CNOT4: variants seen among roughly 807,000 people sequenced by gnomAD.
The protein encoded by CNOT4 is CCR4-NOT transcription complex subunit 4, also known as CCR4-associated factor 4.
A neutral mutation model predicts 73.8 loss-of-function variants in CNOT4; 8 were observed. The observed-to-expected ratio is 0.11, with a 90% CI of 0.06 to 0.20. The LOEUF (loss-of-function observed/expected upper bound fraction) is 0.20, where lower values mean the gene tolerates loss of function less well. Ranked by LOEUF, CNOT4 falls within the 10% of genes least tolerant of loss-of-function variation. The pLI, the probability that CNOT4 is intolerant of heterozygous loss-of-function variation, is 1.00. For synonymous variants in CNOT4, 293 were observed against 321.1 expected (o/e 0.91, Z 0.94); for missense variants, 564 against 883.4 (o/e 0.64, Z 4.58).
At chr7:135,456,792 CCA>C (rs1335632889) in intron 1 of CNOT4, among the ~76,000 whole-genome samples, 1 of 151,958 alleles carries the variant, frequency 6.6e-6, no homozygotes, top group Non-Finnish European at 1.5e-5. Flanking sequence ...GTAGTTGAAT[CCA>C]CAGATACAGA....
intron 7 of CNOT4, among the ~76,000 whole-genome samples, chr7:135,403,674 A>C (rs1797120825): frequency 6.6e-6 from 1 of 152,196 alleles, no homozygotes; most frequent in South Asian, 2.1e-4. Context: ...TAGTTGTGTA[A>C]ATATGATTTT....
intron 6 of CNOT4, among the ~76,000 whole-genome samples, chr7:135,412,930 C>A (rs1418916166): frequency 6.6e-6 from 1 of 151,956 alleles, no homozygotes; most frequent in Non-Finnish European, 1.5e-5. Context: ...TAAAAAAGAA[C>A]ATAGGATATT....
intron 1 of CNOT4, among the ~76,000 whole-genome samples, chr7:135,485,142 G>A (rs563531367): frequency 3.2e-4 from 49 of 152,260 alleles, no homozygotes; most frequent in South Asian, 2.7e-3. Context: ...GCACGATCTT[G>A]GCTCACTGCA....
At chr7:135,452,848 A>T (rs1800261804) in intron 1 of CNOT4, among the ~76,000 whole-genome samples, 1 of 152,212 alleles carries the variant, frequency 6.6e-6, no homozygotes, top group South Asian at 2.1e-4. Flanking sequence ...GGAGTTTATA[A>T]AATTAAAGGC....
chr7:135,493,034 T>C (rs946232163), intron 1 of CNOT4, among the ~76,000 whole-genome samples: 3 of 152,174 alleles, frequency 2.0e-5, no homozygotes, highest in Non-Finnish European at 2.9e-5. Flanking sequence ...TTACAGACAA[T>C]ATAACCTGTT....
chr7:135,414,656 T>G (rs1056389818), intron 4 of CNOT4, among the ~76,000 whole-genome samples: 1 of 152,084 alleles, frequency 6.6e-6, no homozygotes, highest in African/African-American at 2.4e-5. Context: ...GTAATATATG[T>G]GAATAAAATA....
chr7:135,366,631 G>A (rs1016279018), intron 10 of CNOT4, among the ~76,000 whole-genome samples: 2 of 152,164 alleles, frequency 1.3e-5, no homozygotes, highest in Non-Finnish European at 2.9e-5. Context: ...AAAAAATCAT[G>A]TGCCTTGACA....
At chr7:135,417,833 T>C (rs571544826) in intron 3 of CNOT4, among the ~76,000 whole-genome samples, 6 of 152,318 alleles carry the variant, frequency 3.9e-5, no homozygotes, top group Non-Finnish European at 8.8e-5. Context: ...GATTGAGGTC[T>C]TTCTCATCCA....
intron 1 of CNOT4, among the ~76,000 whole-genome samples, chr7:135,506,783 G>A (rs1804398121): frequency 6.6e-6 from 1 of 152,024 alleles, no homozygotes; most frequent in Admixed American, 6.6e-5. Flanking sequence ...GGGAGGCAGA[G>A]GTTGCAGTGA....
chr7:135,504,283 T>C (rs1352123988), intron 1 of CNOT4, among the ~76,000 whole-genome samples: 1 of 151,638 alleles, frequency 6.6e-6, no homozygotes, highest in Non-Finnish European at 1.5e-5. Context: ...AGCAGTAATA[T>C]AAGATCTACT....
At chr7:135,488,682 A>G (rs1802902706) in intron 1 of CNOT4, among the ~76,000 whole-genome samples, 1 of 152,180 alleles carries the variant, frequency 6.6e-6, no homozygotes, top group Non-Finnish European at 1.5e-5. Context: ...TAACTTTTTC[A>G]ATGCACTTTT....
rs1446527613 is a variant in CNOT4, at chr7:135,362,844, T to C, written c.*41A>G. 1 of 1,552,200 alleles carries C rather than the reference T, an allele frequency of 6.4e-7. No homozygotes were observed. The highest frequency in any genetic ancestry group is 8.9e-7 in the Non-Finnish European group (1 of 1,123,866). Reference sequence around the variant, plus strand: ...GTGGGCTGAGAGGGAGAAAACAGAGTGGGACAAATCCTGCATTTTCTAATG... The same window carrying C: ...GTGGGCTGAGAGGGAGAAAACAGAGCGGGACAAATCCTGCATTTTCTAATG... On this transcript the variant is annotated 3_prime_UTR_variant, in exon 12 of 12. Coordinates refer to ENST00000541284, the MANE Select transcript of CNOT4 (RefSeq NM_001190850.2).
intron 3 of CNOT4, among the ~76,000 whole-genome samples, chr7:135,420,677 C>A (rs1475045965): frequency 6.6e-6 from 1 of 150,526 alleles, no homozygotes; most frequent in African/African-American, 2.5e-5. Flanking sequence ...TATAGAAGTG[C>A]CCTGTGGTTA....
chr7:135,388,508 A>T (rs1796237016), intron 10 of CNOT4: 1 of 1,022,010 alleles, frequency 9.8e-7, no homozygotes, highest in Non-Finnish European at 1.2e-6. Context: ...AATTCTAGCT[A>T]ATCTCACCTG....
chr7:135,395,454 T>C (rs1263065645), intron 9 of CNOT4, among the ~76,000 whole-genome samples, 180 bp downstream of exon 9: 1 of 152,188 alleles, frequency 6.6e-6, no homozygotes, highest in Non-Finnish European at 1.5e-5. Context: ...CACAGTAATT[T>C]CTAGGTCACA....
intron 10 of CNOT4, among the ~76,000 whole-genome samples, chr7:135,370,396 C>G (rs2129482539): frequency 6.6e-6 from 1 of 152,336 alleles, no homozygotes. Flanking sequence ...TCCCTCCATT[C>G]TCCTTGTCTA....
rs142744085 is a variant in CNOT4, at chr7:135,376,131, A to G, written c.1628-12065T>C. Among the ~76,000 whole-genome samples the G allele has an allele frequency of 4.9e-3, 752 of 152,276 alleles. 4 individuals are homozygous for G. Among genetic ancestry groups the G allele is most frequent in the Non-Finnish European group, 8.8e-3 (597 of 68,010 alleles). ...CCACAATGCCAGAAAAGAACCAAAA[A>G]ATGAATTATAACTCATATGCAAATG... On this transcript the variant is annotated intron_variant, in intron 10 of 11. Transcript: ENST00000541284.
intron 10 of CNOT4, among the ~76,000 whole-genome samples, chr7:135,390,713 G>A (rs761991797): frequency 1.3e-5 from 2 of 152,012 alleles, no homozygotes; most frequent in South Asian, 2.1e-4. Flanking sequence ...ATAATTCACT[G>A]AACAAACCAA....
chr7:135,410,672 TG>T, intron 6 of CNOT4, 24 bp from the exon 7 acceptor site: 1 of 1,556,150 alleles, frequency 6.4e-7, no homozygotes, highest in Non-Finnish European at 8.7e-7. Flanking sequence ...AAATTAAAAC[TG>T]CAGTGGGATT....
Sources: allele counts gnomAD v4.1 joint callset (sites outside exome capture counted in the v4.1 genomes callset), GRCh38; gene constraint gnomAD v4.1.1; transcripts MANE v1.5; gene names NCBI Gene and HGNC (gene_info 2026-07-23, HGNC 2026-07-21).